Variants in SSH2 observed in about 807,000 individuals in gnomAD.
The protein encoded by SSH2 is protein phosphatase Slingshot homolog 2.
A neutral mutation model predicts 135.2 loss-of-function variants in SSH2; 37 were observed. The observed-to-expected ratio is 0.27, with a 90% CI of 0.21 to 0.36. The LOEUF (loss-of-function observed/expected upper bound fraction) is 0.36, where lower values mean the gene tolerates loss of function less well. SSH2 is among the 10% of genes least tolerant of loss of function. The pLI is 1.00. For synonymous variants in SSH2, 628 were observed against 646.2 expected (o/e 0.97, Z 0.43); for missense variants, 1,408 against 1,765.3 (o/e 0.80, Z 3.63).
intron 2 of SSH2, among the ~76,000 whole-genome samples, chr17:29,842,017 C>T (rs1768014159): frequency 6.7e-6 from 1 of 148,954 alleles, no homozygotes; most frequent in African/African-American, 2.5e-5. Flanking sequence ...TACAGGTGTG[C>T]ACCACTGTCC....
At chr17:29,759,191 G>A (rs1437000502) in intron 3 of SSH2, among the ~76,000 whole-genome samples, 7 of 151,812 alleles carry the variant, frequency 4.6e-5, no homozygotes, top group South Asian at 2.1e-4. Flanking sequence ...ATGCGCCACC[G>A]CACCTGGCTA....
chr17:29,778,506 G>C (rs1404741919), intron 3 of SSH2, among the ~76,000 whole-genome samples: 1 of 152,020 alleles, frequency 6.6e-6, no homozygotes, highest in East Asian at 1.9e-4. Context: ...CGGGCATGGT[G>C]ATGTGCATCT....
intron 2 of SSH2, among the ~76,000 whole-genome samples, chr17:29,797,462 A>G (rs1038760923): frequency 6.6e-6 from 1 of 152,206 alleles, no homozygotes; most frequent in Non-Finnish European, 1.5e-5. Context: ...AATGTTTTCG[A>G]GATTCATCCC....
At chr17:29,786,263 G>A (rs1159622217) in intron 3 of SSH2, among the ~76,000 whole-genome samples, 2 of 152,182 alleles carry the variant, frequency 1.3e-5, no homozygotes, top group African/African-American at 4.8e-5. Flanking sequence ...GGTTGGAAAG[G>A]TTCCCTGGCA....
chr17:29,869,681 A>G (rs2065908433), intron 1 of SSH2, among the ~76,000 whole-genome samples: 1 of 152,054 alleles, frequency 6.6e-6, no homozygotes, highest in South Asian at 2.1e-4. Context: ...TGTGAATAAG[A>G]CCCCCTGATT....
At chr17:29,744,857 TTGAGTG>T (rs759097915) in intron 3 of SSH2, among the ~76,000 whole-genome samples, 10 of 112,050 alleles carry the variant, frequency 8.9e-5, no homozygotes, top group African/African-American at 3.4e-4. Context: ...TTTGGATTAC[TTGAGTG>T]TGTGTGTGTG....
At chr17:29,709,052 A>AGAGCGCGC (rs1491229455) in intron 3 of SSH2, among the ~76,000 whole-genome samples, 3 of 144,654 alleles carry the variant, frequency 2.1e-5, no homozygotes, top group African/African-American at 7.7e-5. Flanking sequence ...AGAGAGAGAG[A>AGAGCGCGC]GCTAATAATA....
At chr17:29,854,895 C>T (rs1306951935) in intron 1 of SSH2, among the ~76,000 whole-genome samples, 3 of 151,702 alleles carry the variant, frequency 2.0e-5, no homozygotes, top group South Asian at 2.1e-4. Flanking sequence ...TGCAGTGAGC[C>T]GAGATTGCGC....
At chr17:29,888,735 AC>A (rs2066287214) in intron 1 of SSH2, among the ~76,000 whole-genome samples, 1 of 149,494 alleles carries the variant, frequency 6.7e-6, no homozygotes, top group Non-Finnish European at 1.5e-5. Context: ...GGAGTGTGAG[AC>A]CAGCCTGGGT....
intron 3 of SSH2, among the ~76,000 whole-genome samples, chr17:29,741,620 T>C (rs1325377822): frequency 6.6e-5 from 3 of 45,572 alleles, no homozygotes; most frequent in African/African-American, 2.0e-4. Flanking sequence ...CCTTTTTTTT[T>C]TTTTTTTTTT....
At chr17:29,876,989 C>T (rs1290799081) in intron 1 of SSH2, among the ~76,000 whole-genome samples, 3 of 151,868 alleles carry the variant, frequency 2.0e-5, no homozygotes, top group African/African-American at 7.3e-5. Flanking sequence ...GATTAATAAC[C>T]AGAACACATG....
chr17:29,824,545 G>C (rs2042710707), intron 2 of SSH2, among the ~76,000 whole-genome samples: 1 of 152,176 alleles, frequency 6.6e-6, no homozygotes, highest in African/African-American at 2.4e-5. Flanking sequence ...CTCTGGCAAG[G>C]GGATGGCACC....
At chr17:29,865,892 G>A (rs757751458) in intron 1 of SSH2, 3 of 152,158 alleles carry the variant, frequency 2.0e-5, no homozygotes, top group Non-Finnish European at 2.9e-5. Flanking sequence ...CCTGAGGTCA[G>A]GAGTTCGAGA....
intron 3 of SSH2, among the ~76,000 whole-genome samples, chr17:29,706,068 T>C (rs2151133164): frequency 6.6e-6 from 1 of 152,334 alleles, no homozygotes; most frequent in South Asian, 2.1e-4. Context: ...GATGGATGAA[T>C]GAATTTATCC....
At chr17:29,903,195 T>A (rs1465352372) in intron 1 of SSH2, among the ~76,000 whole-genome samples, 3 of 149,802 alleles carry the variant, frequency 2.0e-5, no homozygotes, top group Non-Finnish European at 4.4e-5. Flanking sequence ...AACTTAAAAA[T>A]ATATATATAC....
chr17:29,827,694 C>A (rs968104167), intron 2 of SSH2, among the ~76,000 whole-genome samples: 30 of 151,540 alleles, frequency 2.0e-4, no homozygotes, highest in Admixed American at 1.8e-3. Context: ...TTGGCATATC[C>A]CTCAGTATAG....
At chr17:29,818,879 G>C (rs1391930636) in intron 2 of SSH2, among the ~76,000 whole-genome samples, 1 of 151,716 alleles carries the variant, frequency 6.6e-6, no homozygotes, top group African/African-American at 2.4e-5. Flanking sequence ...CTTGAGACCA[G>C]GAGTTCGAGA....
chr17:29,903,854 C>T (rs147198748), intron 1 of SSH2, among the ~76,000 whole-genome samples: 43 of 152,182 alleles, frequency 2.8e-4, no homozygotes, highest in Non-Finnish European at 5.6e-4. Context: ...GAATTGAAGG[C>T]GATGCCAGAA....
At chr17:29,731,783 G>A (rs1356858309) in intron 3 of SSH2, among the ~76,000 whole-genome samples, 1 of 152,072 alleles carries the variant, frequency 6.6e-6, no homozygotes, top group Non-Finnish European at 1.5e-5. Flanking sequence ...ACAATGGGCT[G>A]GGCTTCTCTG....
Sources: gnomAD v4.1 joint callset for allele counts (sites outside exome capture counted in the v4.1 genomes callset) on GRCh38, gnomAD v4.1.1 for gene constraint, MANE v1.5 for transcripts, NCBI Gene and HGNC (gene_info 2026-07-23, HGNC 2026-07-21) for gene names.